Variants in NT5DC3 observed in about 807,000 individuals in gnomAD.
NT5DC3 encodes 5'-nucleotidase domain containing 3, also known as 5'-nucleotidase domain-containing protein 3.
NT5DC3 carries 42 observed loss-of-function variants against 67.8 expected under a neutral mutation model. The ratio of observed to expected loss-of-function variants is 0.62; its 90% confidence interval spans 0.48 to 0.80. The LOEUF (loss-of-function observed/expected upper bound fraction) is 0.80, where lower values mean the gene tolerates loss of function less well. Ranked by LOEUF, NT5DC3 falls within the 30% of genes least tolerant of loss-of-function variation. The pLI is 0.00. For missense variants in NT5DC3, 570 were observed against 696.4 expected (o/e 0.82, Z 2.04); for synonymous variants, 237 against 255.6 (o/e 0.93, Z 0.69).
At chr12:103,787,615 T>C in intron 10 of NT5DC3, 88 bp from the exon 11 acceptor site, 3 of 620,874 alleles carry the variant, frequency 4.8e-6, no homozygotes, top group Non-Finnish European at 7.6e-6. Flanking sequence ...TTAAAAATTG[T>C]TGTTTTTATA....
At chr12:103,817,041 G>GAAA (rs372589040) in intron 1 of NT5DC3, among the ~76,000 whole-genome samples, 6 of 79,352 alleles carry the variant, frequency 7.6e-5, no homozygotes, top group Admixed American at 1.5e-4. Flanking sequence ...ACAGCAAAAA[G>GAAA]AAAAAAAAAA....
chr12:103,761,406 C>A, the NT5DC3 span: 8 of 1,613,404 alleles, frequency 5.0e-6, no homozygotes, highest in South Asian at 8.8e-5. Flanking sequence ...CCCCCTGCCC[C>A]CGTGGTGAGT....
chr12:103,806,498 T>C (rs991756594), intron 3 of NT5DC3, 121 bp from the exon 4 acceptor site: 1 of 705,232 alleles, frequency 1.4e-6, no homozygotes, highest in Non-Finnish European at 2.5e-6. Context: ...GGAAGCACAC[T>C]GTATATTCCT....
At chr12:103,778,595 C>T (rs1885426163) in intron 13 of NT5DC3, among the ~76,000 whole-genome samples, 2 of 151,966 alleles carry the variant, frequency 1.3e-5, no homozygotes, top group Admixed American at 6.6e-5. Context: ...GGATCACTTG[C>T]GCCCTGGCCC....
chr12:103,807,595 T>G (rs1886856460), intron 2 of NT5DC3, among the ~76,000 whole-genome samples: 1 of 152,198 alleles, frequency 6.6e-6, no homozygotes. Flanking sequence ...ACACTAGGCC[T>G]AGGGAGGCCC....
the NT5DC3 span, chr12:103,762,534 G>A: frequency 5.6e-5 from 78 of 1,396,988 alleles, no homozygotes; most frequent in African/African-American, 1.8e-4. Flanking sequence ...TAGCAGGGGC[G>A]GCCACCCACC....
At chr12:103,811,519 T>C (rs182346934) in intron 2 of NT5DC3, among the ~76,000 whole-genome samples, 3 of 152,202 alleles carry the variant, frequency 2.0e-5, no homozygotes, top group Admixed American at 2.0e-4. Flanking sequence ...ACATAGCACC[T>C]AACTGGCATG....
chr12:103,783,792 C>CA (rs35278033), intron 12 of NT5DC3, among the ~76,000 whole-genome samples: 39,075 of 142,484 alleles, frequency 0.27, 5,383 homozygotes, highest in East Asian at 0.47. Context: ...AAAATAAAAC[C>CA]AAAAAAAAAA....
At chr12:103,816,318 T>C (rs1483990271) in intron 1 of NT5DC3, among the ~76,000 whole-genome samples, 1 of 152,258 alleles carries the variant, frequency 6.6e-6, no homozygotes, top group East Asian at 1.9e-4. Context: ...CATGTCAGCA[T>C]GCAAAAGTTT....
intron 13 of NT5DC3, 108 bp downstream of exon 13, chr12:103,780,192 T>C (rs1447525010): frequency 4.4e-6 from 4 of 906,286 alleles, no homozygotes; most frequent in Non-Finnish European, 5.6e-6. Context: ...GGAGCTAAAA[T>C]AGGATGTTTC....
downstream of NT5DC3, among the ~76,000 whole-genome samples, chr12:103,769,705 A>G (rs1885139382): frequency 6.6e-6 from 1 of 152,262 alleles, no homozygotes; most frequent in Admixed American, 6.5e-5. Flanking sequence ...AGGCGCAGCT[A>G]TTCAGAAAGA....
the NT5DC3 span, chr12:103,755,755 G>C: frequency 6.2e-7 from 1 of 1,606,342 alleles, no homozygotes; most frequent in Non-Finnish European, 8.5e-7. Flanking sequence ...CTCAGGCAGG[G>C]AGGGGTTGCC....
chr12:103,757,834 T>G, the NT5DC3 span: 109 of 301,068 alleles, frequency 3.6e-4, no homozygotes, highest in African/African-American at 2.2e-3. Context: ...TGAGCTGTTA[T>G]GAAGACTTGG....
the NT5DC3 span, among the ~76,000 whole-genome samples, chr12:103,756,567 C>A: frequency 1.3e-5 from 2 of 152,200 alleles, no homozygotes; most frequent in Non-Finnish European, 2.9e-5. Context: ...TGAGGCTTAG[C>A]AAGGCCAAGG....
At chr12:103,828,178 T>C (rs1887773715) in intron 1 of NT5DC3, among the ~76,000 whole-genome samples, 1 of 152,200 alleles carries the variant, frequency 6.6e-6, no homozygotes, top group Non-Finnish European at 1.5e-5. Flanking sequence ...GCGACTATCA[T>C]ATGGAAGGGG....
chr12:103,759,057 C>T, the NT5DC3 span: 20 of 1,609,532 alleles, frequency 1.2e-5, 1 homozygote, highest in East Asian at 4.5e-5. Context: ...CAATTTTCTT[C>T]GTCATCCCCA....
rs1032858049 is a variant in NT5DC3, at chr12:103,828,553, C to A, written c.208+12396G>T. On this transcript the variant is annotated intron_variant, in intron 1 of 13. Transcript: ENST00000392876. Reference sequence around the variant, plus strand: ...CTATTTCTAAGACATAAAGAAAGGTCAAGATAATACAAAGAACACCCACAT... The same window carrying A: ...CTATTTCTAAGACATAAAGAAAGGTAAAGATAATACAAAGAACACCCACAT... Among the ~76,000 whole-genome samples, 8 of 152,104 alleles carry A rather than the reference C, an allele frequency of 5.3e-5. No individual in the cohort carries two copies. The East Asian group carries it at 1.5e-3, about 29-fold the overall frequency.
At chr12:103,825,891 T>C (rs551287233) in intron 1 of NT5DC3, among the ~76,000 whole-genome samples, 1 of 152,372 alleles carries the variant, frequency 6.6e-6, no homozygotes, top group East Asian at 1.9e-4. Context: ...CCACATGCTG[T>C]GCACCGGGTT....
intron 1 of NT5DC3, among the ~76,000 whole-genome samples, chr12:103,817,953 G>T (rs1385461851): frequency 6.6e-6 from 1 of 152,198 alleles, no homozygotes; most frequent in Non-Finnish European, 1.5e-5. Context: ...AACAGCTCCA[G>T]TCAGGGCACT....
Sources: allele counts gnomAD v4.1 joint callset (sites outside exome capture counted in the v4.1 genomes callset), GRCh38; gene constraint gnomAD v4.1.1; transcripts MANE v1.5; gene names NCBI Gene and HGNC (gene_info 2026-07-23, HGNC 2026-07-21).